The following CCNY variants were observed in gnomAD, a reference collection of about 807,000 sequenced individuals.
CCNY encodes cyclin-Y.
CCNY carries 19 observed loss-of-function variants against 42.8 expected under a neutral mutation model. The observed-to-expected ratio is 0.44, with a 90% CI of 0.31 to 0.65. The LOEUF (loss-of-function observed/expected upper bound fraction) is 0.65. CCNY is among the 30% of genes least tolerant of loss of function. The pLI is 0.07. For synonymous variants in CCNY, 165 were observed against 162.7 expected, an observed-to-expected ratio of 1.01 and a Z score of -0.11; for missense variants, 370 against 437.3, an observed-to-expected ratio of 0.85 and a Z score of 1.37.
intron 1 of CCNY, among the ~76,000 whole-genome samples, chr10:35,452,302 C>G (rs774081585): frequency 1.3e-4 from 20 of 152,188 alleles, no homozygotes; most frequent in Non-Finnish European, 2.6e-4. Flanking sequence ...ATAACTAAGA[C>G]TGTTTGTTGG....
chr10:35,253,421 T>A (rs986096921), intron 3 of CCNY, among the ~76,000 whole-genome samples: 8 of 106,162 alleles, frequency 7.5e-5, no homozygotes, highest in African/African-American at 2.3e-4. Flanking sequence ...ACTATTTTTT[T>A]TTTTTTTTTT....
intron 1 of CCNY, among the ~76,000 whole-genome samples, chr10:35,471,340 T>C (rs1423607072): frequency 6.6e-6 from 1 of 152,242 alleles, no homozygotes; most frequent in East Asian, 1.9e-4. Flanking sequence ...TAGGTCTTAC[T>C]GTGCTTTTCT....
chr10:35,354,637 C>T (rs548793296), intron 1 of CCNY, among the ~76,000 whole-genome samples: 5 of 152,246 alleles, frequency 3.3e-5, no homozygotes, highest in South Asian at 4.1e-4. Context: ...ATGCTGCCCA[C>T]GACAAACATG....
chr10:35,374,592 A>T (rs1333075796), intron 1 of CCNY, among the ~76,000 whole-genome samples: 1 of 152,182 alleles, frequency 6.6e-6, no homozygotes, highest in Non-Finnish European at 1.5e-5. Context: ...TGCAGGTGGG[A>T]TATGGTTTCC....
At chr10:35,307,800 GTATA>G (rs1209614896) in intron 3 of CCNY, among the ~76,000 whole-genome samples, 4 of 45,974 alleles carry the variant, frequency 8.7e-5, no homozygotes, top group African/African-American at 3.1e-4. Context: ...GTGTGTGTGT[GTATA>G]TATATATATA....
chr10:35,537,151 AG>A (rs1417500507), intron 7 of CCNY, among the ~76,000 whole-genome samples: 1 of 152,230 alleles, frequency 6.6e-6, no homozygotes, highest in African/African-American at 2.4e-5. Context: ...GTTGCTTCAG[AG>A]GGTGGAAGCC....
At chr10:35,537,166 A>G (rs184728949) in intron 7 of CCNY, among the ~76,000 whole-genome samples, 2 of 152,338 alleles carry the variant, frequency 1.3e-5, no homozygotes, top group East Asian at 3.9e-4. Context: ...GGAAGCCCCA[A>G]GCCTTGGCAC....
chr10:35,392,064 T>C (rs1389247591), intron 1 of CCNY, among the ~76,000 whole-genome samples: 9 of 152,218 alleles, frequency 5.9e-5, no homozygotes, highest in African/African-American at 2.2e-4. Context: ...GAACATATGT[T>C]TGTAAAAGGA....
chr10:35,447,519 C>T (rs1838819929), intron 1 of CCNY, among the ~76,000 whole-genome samples: 1 of 152,154 alleles, frequency 6.6e-6, no homozygotes, highest in South Asian at 2.1e-4. Flanking sequence ...TCTCACACTT[C>T]TTGATTTTAC....
chr10:35,527,406 G>A (rs1840674354), intron 5 of CCNY, among the ~76,000 whole-genome samples: 1 of 152,184 alleles, frequency 6.6e-6, no homozygotes, highest in Admixed American at 6.5e-5. Flanking sequence ...GACTATGATG[G>A]ATCCTGAAGT....
At chr10:35,449,646 AG>A in intron 1 of CCNY, 1 of 317,494 alleles carries the variant, frequency 3.1e-6, no homozygotes, top group Non-Finnish European at 4.4e-6. Context: ...AGAGGGTGGG[AG>A]GGGCAGGGAT....
chr10:35,288,589 G>C (rs1835379817), intron 3 of CCNY, among the ~76,000 whole-genome samples: 1 of 152,074 alleles, frequency 6.6e-6, no homozygotes, highest in South Asian at 2.1e-4. Flanking sequence ...TTTTCTCCTA[G>C]TATTTTTCTA....
chr10:35,408,881 T>C (rs1412854041), intron 1 of CCNY, among the ~76,000 whole-genome samples: 1 of 152,052 alleles, frequency 6.6e-6, no homozygotes, highest in Non-Finnish European at 1.5e-5. Context: ...GTAGACAAAC[T>C]GTATTATTTC....
Position 35,569,104 on chromosome 10 carries a change from G to A in CCNY, c.960G>A (p.Ala320=), listed in dbSNP as rs148763224. The change falls in exon 10 of 10, where the codon GCG becomes GCA. Residue 320 remains alanine (A), a synonymous_variant. Coordinates refer to ENST00000374704, the MANE Select transcript of CCNY (RefSeq NM_145012.6). ...EDKYKDLRRS[A]RKRSASADNL... is the part of the protein sequence containing the mutation. The stretch of plus-strand genomic sequence containing the variant: ...AGTACAAGGACCTAAGAAGATCCGC[G>A]AGGAAGCGCTCAGCCAGTGCAGACA... 105 of 1,613,172 alleles carry A rather than the reference G, an allele frequency of 6.5e-5. No homozygotes were observed. The African/African-American group carries it at 1.0e-3, about 16-fold the overall frequency.
intron 1 of CCNY, among the ~76,000 whole-genome samples, chr10:35,480,505 C>T (rs959090181): frequency 2.0e-5 from 3 of 152,282 alleles, no homozygotes; most frequent in Non-Finnish European, 2.9e-5. Flanking sequence ...ACAGTGGACA[C>T]TGCCGAGGGG....
chr10:35,387,895 A>C (rs1187504300), intron 1 of CCNY, among the ~76,000 whole-genome samples: 1 of 152,196 alleles, frequency 6.6e-6, no homozygotes, highest in East Asian at 1.9e-4. Flanking sequence ...GAAAATAGCC[A>C]AATTAGGTAT....
At chr10:35,557,249 T>A (rs1841378865) in intron 8 of CCNY, among the ~76,000 whole-genome samples, 1 of 152,238 alleles carries the variant, frequency 6.6e-6, no homozygotes, top group African/African-American at 2.4e-5. Flanking sequence ...ACCCATTTTC[T>A]TAGAGGTGAA....
chr10:35,394,799 C>A, intron 1 of CCNY: 2 of 980,384 alleles, frequency 2.0e-6, no homozygotes, highest in Non-Finnish European at 2.4e-6. Context: ...GTGACCACAC[C>A]ATATTCTCCT....
At chr10:35,341,272 T>C (rs548619625) in intron 1 of CCNY, among the ~76,000 whole-genome samples, 2 of 152,330 alleles carry the variant, frequency 1.3e-5, no homozygotes, top group East Asian at 3.9e-4. Flanking sequence ...CTGCCTGAAG[T>C]GTCCTCCATG....
Sources: allele counts gnomAD v4.1 joint callset (sites outside exome capture counted in the v4.1 genomes callset), GRCh38; gene constraint gnomAD v4.1.1; transcripts MANE v1.5; gene names NCBI Gene and HGNC (gene_info 2026-07-23, HGNC 2026-07-21).